PEG3: variants seen among roughly 807,000 people sequenced by gnomAD.
The protein encoded by PEG3 is paternally expressed 3, also known as paternally-expressed gene 3 protein.
In PEG3, 23 loss-of-function variants were observed where a neutral mutation model predicts 35.5. The observed-to-expected ratio is 0.65, with a 90% CI of 0.47 to 0.92. PEG3 has a LOEUF of 0.92. Among genes scored for constraint, PEG3 ranks in the 40% least tolerant of loss-of-function variants. The pLI, the probability that PEG3 is intolerant of heterozygous loss-of-function variation, is 0.00. For synonymous variants in PEG3, 707 were observed against 697.0 expected, an observed-to-expected ratio of 1.01 and a Z score of -0.23; for missense variants, 1,960 against 1,985.3, an observed-to-expected ratio of 0.99 and a Z score of 0.24.
At chr19:56,822,698 G>A in intron 6 of PEG3, 55 bp downstream of exon 6, 1 of 1,601,948 alleles carries the variant, frequency 6.2e-7, no homozygotes, top group South Asian at 1.1e-5. Context: ...CCTTGAACCT[G>A]TGCACAGCAC....
intron 3 of PEG3, 192 bp from the exon 4 acceptor site, chr19:56,824,933 C>G (rs188701245): frequency 2.8e-6 from 1 of 357,554 alleles, no homozygotes; most frequent in African/African-American, 2.0e-5. Context: ...GAGACCTACT[C>G]GAGGAGTTAG....
Position 56,817,756 on chromosome 19 carries a change from G to A in PEG3, c.852C>T (p.Ser284=). Residue 284 remains serine (S), a synonymous_variant, in exon 9 of 10, where the codon AGC becomes AGT. Transcript: ENST00000326441. ...GTGCCTCCTGCTTACCTCGACTGGT[G>A]CTTGGGTAGGCACTTCTCTTGGATC... ...SSRSKRSAYP[S]TSRGLKTMPE... 2 of 1,613,932 alleles carry A rather than the reference G, an allele frequency of 1.2e-6. No individual in the cohort carries two copies. The highest frequency in any genetic ancestry group is 1.7e-6 in the Non-Finnish European group (2 of 1,179,814).
At position 56,815,248 on chromosome 19, in the gene PEG3, C is replaced by T. The variant is rs369433949; in HGVS notation, c.3194G>A (p.Gly1065Asp). 6.2e-7 allele frequency: 1 copy of T among 1,614,200 alleles called. No individual in the cohort carries two copies. Among genetic ancestry groups the T allele is most frequent in the South Asian group, 1.1e-5 (1 of 91,078 alleles). Reference protein sequence around the residue: ...QEKSHGEESQGENTDGEETHS... With the variant: ...QEKSHGEESQDENTDGEETHS... ...GGTCTCCTCCCCATCAGTATTCTCG[C>T]CTTGAGACTCCTCGCCATGAGACTT... Residue 1065 changes from glycine (G) to aspartate (D), a missense_variant, in exon 10 of 10, where the codon GGC (glycine) becomes GAC (aspartate). Coordinates refer to ENST00000326441, the MANE Select transcript of PEG3 (RefSeq NM_006210.3).
In PEG3 at chr19:56,817,402, T is replaced by G. The variant is rs777705311; in HGVS notation, c.1040A>C (p.Asp347Ala). The change falls in exon 10 of 10, where the codon GAT (aspartate) becomes GCT (alanine). Residue 347 changes from aspartate to alanine, a missense_variant. Transcript: ENST00000326441. ...RSQRFPRMSD[D>A]NWKDISLNKR... is the part of the protein sequence containing the mutation. ...GTTCAATGAAATGTCCTTCCAGTTA[T>G]CATCTGACATTCTGGGGAATCTCTG... 6.2e-7 allele frequency: 1 copy of G among 1,614,138 alleles called. No homozygotes were observed.
At position 56,817,503 on chromosome 19, in the gene PEG3, C is replaced by T. The variant is rs1568646355; in HGVS notation, c.939G>A (p.Val313=). Residue 313 remains valine (V), a synonymous_variant, in exon 10 of 10, where the codon GTG becomes GTA. Coordinates refer to ENST00000326441, the MANE Select transcript of PEG3 (RefSeq NM_006210.3). Reference sequence around the variant, plus strand: ...CATCCTTGATGAATTTTTCCATTATCACTCCGTGGGAAGATTCATCTTCAC... The same window carrying T: ...CATCCTTGATGAATTTTTCCATTATTACTCCGTGGGAAGATTCATCTTCAC... ...GICEDESSHG[V]IMEKFIKDVS... is the part of the protein sequence containing the mutation. 1.2e-6 allele frequency: 2 copies of T among 1,611,976 alleles called. No homozygotes were observed. The highest frequency in any genetic ancestry group is 1.7e-5 in the Admixed American group (1 of 59,830).
At position 56,814,766 on chromosome 19, in the gene PEG3, G is replaced by A. The variant is rs867143279; in HGVS notation, c.3676C>T (p.Arg1226Ter). The change falls in exon 10 of 10, where the codon CGA (arginine) becomes TGA (stop). Residue 1226 changes from arginine to a stop codon, truncating the protein, a stop_gained. Transcript: ENST00000326441. LOFTEE classifies it low-confidence loss of function (END_TRUNC). This position sits in a 1 kb window ranked among gnomAD's most constrained non-coding sequence, Gnocchi z 5.8. ...RNPALAGSAI[R>*]CLLCGQGFIH... is the part of the protein sequence containing the mutation. ...AAGCCTTGTCCACACAAAAGGCATCGAATGGCCGACCCAGCAAGAGCAGGA... is the reference window on the plus strand; with the variant it reads ...AAGCCTTGTCCACACAAAAGGCATCAAATGGCCGACCCAGCAAGAGCAGGA... 1.2e-6 allele frequency: 2 copies of A among 1,614,096 alleles called. No homozygotes were observed. The highest frequency in any genetic ancestry group is 1.1e-5 in the South Asian group (1 of 91,082).
Position 56,811,185 on chromosome 19 carries a change from T to C in PEG3, c.*2490A>G. 3 of 974,654 alleles carry C rather than the reference T, an allele frequency of 3.1e-6. No homozygotes were observed. Among genetic ancestry groups the C allele is most frequent in the Non-Finnish European group, 3.7e-6 (3 of 820,128 alleles). 60.4% of individuals were successfully genotyped at this position (974,654 alleles called of 1,614,324 possible). On this transcript the variant is annotated 3_prime_UTR_variant, in exon 10 of 10. Transcript: ENST00000326441. Reference sequence around the variant, plus strand: ...CACAATGAAAATGTGATCATAAACTTTTTAGTAACACTACCATAAAGAACA... The same window carrying C: ...CACAATGAAAATGTGATCATAAACTCTTTAGTAACACTACCATAAAGAACA...
chr19:56,812,093 T>C lies in PEG3; in HGVS notation c.*1582A>G, dbSNP rs890311374. 1.0e-6 allele frequency: 1 copy of C among 978,398 alleles called. No individual in the cohort carries two copies. Among genetic ancestry groups the C allele is most frequent in the Non-Finnish European group, 1.2e-6 (1 of 823,536 alleles). 60.6% of individuals were successfully genotyped at this position (978,398 alleles called of 1,614,324 possible). ...TTTAATTTTGCTTGTTCAAATGATC[T>C]ACACTTACATTTTGCAAATCTTTTT... On this transcript the variant is annotated 3_prime_UTR_variant, in exon 10 of 10. Coordinates refer to ENST00000326441, the MANE Select transcript of PEG3 (RefSeq NM_006210.3).
Position 56,815,786 on chromosome 19 carries a change from T to C in PEG3, c.2656A>G (p.Ser886Gly). Residue 886 changes from serine (S) to glycine (G), a missense_variant, in exon 10 of 10, where the codon AGT (serine) becomes GGT (glycine). Physicochemically the swap from Ser to Gly is moderately conservative, Grantham distance 56 (BLOSUM62 0). This residue lies in a region of PEG3 where 798 missense variants were observed against 782.4 expected (regional missense o/e 1.02). Coordinates refer to ENST00000326441, the MANE Select transcript of PEG3 (RefSeq NM_006210.3). ...PARENPCEGG[S>G]KNRNYEDSVI... ...GAGTCTTCATAGTTGCGATTCTTAC[T>C]GCCCCCTTCACAAGGGTTCTCTCTG... The C allele has an allele frequency of 6.2e-7, 1 of 1,613,802 alleles. No individual in the cohort carries two copies. Among genetic ancestry groups the C allele is most frequent in the Non-Finnish European group, 8.5e-7 (1 of 1,179,746 alleles).
intron 2 of PEG3, among the ~76,000 whole-genome samples, chr19:56,827,103 C>T (rs1251167473): frequency 6.6e-6 from 1 of 152,102 alleles, no homozygotes; most frequent in African/African-American, 2.4e-5. Flanking sequence ...AGCAACTTCC[C>T]AAGTAAACTT....
chr19:56,835,014 C>G (rs1301390537), intron 2 of PEG3, among the ~76,000 whole-genome samples: 2 of 152,152 alleles, frequency 1.3e-5, no homozygotes, highest in Non-Finnish European at 1.5e-5. Flanking sequence ...TGTGCCTCCT[C>G]TGAATCAGTC....
intron 2 of PEG3, among the ~76,000 whole-genome samples, chr19:56,831,290 C>T (rs2061550653): frequency 1.3e-5 from 2 of 152,124 alleles, no homozygotes; most frequent in South Asian, 4.1e-4. Context: ...CACATGGGGA[C>T]TTAATTTATA....
chr19:56,835,372 C>T (rs2061987522), intron 2 of PEG3, among the ~76,000 whole-genome samples: 1 of 152,170 alleles, frequency 6.6e-6, no homozygotes, highest in African/African-American at 2.4e-5. Flanking sequence ...CTCAACGATT[C>T]CCTTGCTCTA....
At chr19:56,833,124 C>G (rs768956526) in intron 2 of PEG3, 1 of 515,488 alleles carries the variant, frequency 1.9e-6, no homozygotes, top group Admixed American at 2.0e-5. Flanking sequence ...CGTCTGGGAC[C>G]ATGTGTGAGA....
rs2059864062 is a variant in PEG3, at chr19:56,815,224, G to A, written c.3218C>T (p.Thr1073Ile). 2 of 1,614,022 alleles carry A rather than the reference G, an allele frequency of 1.2e-6. No individual in the cohort carries two copies. The highest frequency in any genetic ancestry group is 2.2e-5 in the East Asian group (1 of 44,876). Residue 1073 changes from threonine (T) to isoleucine (I), a missense_variant, in exon 10 of 10, where the codon ACC becomes ATC. Transcript: ENST00000326441. ...CTGACCATGGGTCTCCTCGCTGTGGGTCTCCTCCCCATCAGTATTCTCGCC... is the reference window on the plus strand; with the variant it reads ...CTGACCATGGGTCTCCTCGCTGTGGATCTCCTCCCCATCAGTATTCTCGCC... ...SQGENTDGEE[T>I]HSEETHGQET... is the part of the protein sequence containing the mutation.
At chr19:56,822,964 A>C in intron 5 of PEG3, 128 bp from the exon 6 acceptor site, 1 of 1,269,008 alleles carries the variant, frequency 7.9e-7, no homozygotes, top group South Asian at 1.4e-5. Context: ...TCCAAAACAG[A>C]GAGCTCCAGG....
At chr19:56,832,618 G>A (rs1298557247) in intron 2 of PEG3, among the ~76,000 whole-genome samples, 1 of 152,190 alleles carries the variant, frequency 6.6e-6, no homozygotes, top group African/African-American at 2.4e-5. Context: ...GGCACACAAG[G>A]GCTAGCTGAC....
At chr19:56,825,893 C>A (rs2060977897) in intron 3 of PEG3, among the ~76,000 whole-genome samples, 1 of 152,174 alleles carries the variant, frequency 6.6e-6, no homozygotes, top group African/African-American at 2.4e-5. Flanking sequence ...ACTTGCAAAT[C>A]AATGTGGTAA....
At position 56,816,863 on chromosome 19, in the gene PEG3, G is replaced by GA. The variant is rs2060026425; in HGVS notation, c.1578dup (p.His527SerfsTer3). On this transcript the variant is annotated frameshift_variant, in exon 10 of 10. Transcript: ENST00000326441. LOFTEE classifies it low-confidence loss of function (END_TRUNC). ...CATTCCACAAGATAACCTCTAGCAT[G>GA]AATCTTCCGATGTTCAGCCAAGGCG... The GA allele has an allele frequency of 6.2e-7, 1 of 1,613,966 alleles. No individual in the cohort carries two copies. Among genetic ancestry groups the GA allele is most frequent in the Admixed American group, 1.7e-5 (1 of 60,004 alleles).
Sources: allele counts gnomAD v4.1 joint callset (sites outside exome capture counted in the v4.1 genomes callset), GRCh38; gene constraint gnomAD v4.1.1; regional missense constraint gnomAD v4.1.1; non-coding constraint Gnocchi (gnomAD v3.1); transcripts MANE v1.5; gene names NCBI Gene and HGNC (gene_info 2026-07-23, HGNC 2026-07-21).